ARHGEF10L: variants seen among roughly 807,000 people sequenced by gnomAD.
ARHGEF10L encodes the protein rho guanine nucleotide exchange factor 10-like protein.
In ARHGEF10L, 69 loss-of-function variants were observed where a neutral mutation model predicts 141.2. That is an observed-to-expected ratio of 0.49 (90% CI 0.40 to 0.60). ARHGEF10L has a LOEUF of 0.60. ARHGEF10L is among the 20% of genes least tolerant of loss of function. The pLI, the probability that ARHGEF10L is intolerant of heterozygous loss-of-function variation, is 0.00. For missense variants in ARHGEF10L, 1,482 were observed against 1,734.3 expected, an observed-to-expected ratio of 0.85 and a Z score of 2.58; for synonymous variants, 711 against 718.5, an observed-to-expected ratio of 0.99 and a Z score of 0.17.
chr1:17,520,748 C>T, the ARHGEF10L span, among the ~76,000 whole-genome samples: 1 of 152,284 alleles, frequency 6.6e-6, no homozygotes, highest in East Asian at 1.9e-4. Context: ...ACTGCAAGGG[C>T]GTGTGTAGGG....
At chr1:17,534,892 T>C (rs577011210), upstream of ARHGEF10L, among the ~76,000 whole-genome samples, 1 of 152,160 alleles carries the variant, frequency 6.6e-6, no homozygotes, top group Non-Finnish European at 1.5e-5. Flanking sequence ...CCGGGCCACT[T>C]TCTGTTTGAT....
chr1:17,603,691 G>A lies in ARHGEF10L; in HGVS notation c.433+100G>A, dbSNP rs868184528. The A allele has an allele frequency of 3.8e-6, 4 of 1,063,970 alleles. No individual in the cohort carries two copies. In the African/African-American group the frequency reaches 6.5e-5, roughly 17 times the overall value. 65.9% of individuals were successfully genotyped at this position (1,063,970 alleles called of 1,614,324 possible). On this transcript the variant is annotated intron_variant, in intron 6 of 28. Transcript: ENST00000361221. This position sits in a 1 kb window ranked among gnomAD's most constrained non-coding sequence, Gnocchi z 4.8. ...TTTCCGTTTCCTTCTGTCCCCACCT[G>A]GCCAAGTGCCCCTCCTTCTTGTCTT...
At chr1:17,593,776 T>C (rs959471680) in intron 4 of ARHGEF10L, among the ~76,000 whole-genome samples, 4 of 151,994 alleles carry the variant, frequency 2.6e-5, no homozygotes, top group Non-Finnish European at 5.9e-5. Context: ...TTCGTGGTCA[T>C]CTGTTACAGC....
chr1:17,695,666 C>T (rs760358994), intron 28 of ARHGEF10L, among the ~76,000 whole-genome samples: 1 of 152,172 alleles, frequency 6.6e-6, no homozygotes, highest in Non-Finnish European at 1.5e-5. Flanking sequence ...GGTCCATGTG[C>T]AAATGAATGT....
At chr1:17,610,760 C>A (rs2059507386) in intron 7 of ARHGEF10L, among the ~76,000 whole-genome samples, 1 of 152,202 alleles carries the variant, frequency 6.6e-6, no homozygotes, top group Admixed American at 6.5e-5. Flanking sequence ...TGGCCAGGCA[C>A]CCTGCCCAGC....
intron 1 of ARHGEF10L, among the ~76,000 whole-genome samples, chr1:17,571,074 G>A (rs534076724): frequency 1.1e-4 from 16 of 152,264 alleles, no homozygotes; most frequent in Admixed American, 8.5e-4. Context: ...TCAAGGGCAG[G>A]ACAGGCTGGA....
rs74059387 is a variant in ARHGEF10L at position 17,642,211 on chromosome 1, A to T, written c.2272+1909A>T. On this transcript the variant is annotated intron_variant, in intron 21 of 28. Transcript: ENST00000361221. ...AGGTGTTATGCTGTACAGGGCATAG[A>T]GCTGGGCTGGGGCTGCCATCTGGGG... Among the ~76,000 whole-genome samples, 711 of 152,184 alleles carry T rather than the reference A, an allele frequency of 4.7e-3. 2 individuals carry two copies. Among genetic ancestry groups the T allele is most frequent in the African/African-American group, 0.016 (665 of 41,542 alleles).
intron 27 of ARHGEF10L, chr1:17,690,020 A>G (rs2064980366): frequency 5.6e-6 from 2 of 357,254 alleles, no homozygotes; most frequent in South Asian, 4.2e-5. Context: ...CGTTGTTATG[A>G]TGATGATTTG....
At chr1:17,577,644 C>T (rs984824860) in intron 1 of ARHGEF10L, among the ~76,000 whole-genome samples, 15 of 152,318 alleles carry the variant, frequency 9.8e-5, no homozygotes, top group African/African-American at 3.1e-4. Context: ...CACTTCAGAG[C>T]CCCGCATTAG....
intron 8 of ARHGEF10L, among the ~76,000 whole-genome samples, chr1:17,613,785 C>T (rs1297433239): frequency 6.6e-6 from 1 of 152,246 alleles, no homozygotes; most frequent in Admixed American, 6.5e-5. Flanking sequence ...CATGGACTTT[C>T]GAGGTCTGTG....
intron 27 of ARHGEF10L, among the ~76,000 whole-genome samples, chr1:17,692,334 G>A (rs563799780): frequency 1.1e-4 from 17 of 152,052 alleles, no homozygotes; most frequent in African/African-American, 3.9e-4. Flanking sequence ...TGCCAGACTC[G>A]AATCCCACCG....
upstream of ARHGEF10L, among the ~76,000 whole-genome samples, chr1:17,537,854 C>CCAAA: frequency 1.3e-5 from 1 of 79,844 alleles, no homozygotes; most frequent in Non-Finnish European, 2.4e-5. Flanking sequence ...ACCATCTCTA[C>CCAAA]AAAAAAAAAA....
chr1:17,622,379 G>T (rs529337741), intron 11 of ARHGEF10L, among the ~76,000 whole-genome samples: 39 of 152,260 alleles, frequency 2.6e-4, no homozygotes, highest in African/African-American at 7.7e-4. Flanking sequence ...AGGCCCAGGG[G>T]TTGCTGAGCA....
intron 1 of ARHGEF10L, among the ~76,000 whole-genome samples, chr1:17,541,577 TCCCAGC>T (rs1230428227): frequency 1.3e-5 from 2 of 152,162 alleles, no homozygotes; most frequent in Non-Finnish European, 2.9e-5. Flanking sequence ...ACCCTTGTAA[TCCCAGC>T]ACTTTGGGAG....
chr1:17,679,252 C>G (rs913944153), intron 26 of ARHGEF10L, among the ~76,000 whole-genome samples: 3 of 152,206 alleles, frequency 2.0e-5, no homozygotes, highest in African/African-American at 4.8e-5. Flanking sequence ...CCCGGAGCCT[C>G]CCTGAGAAAT....
Sources: allele counts gnomAD v4.1 joint callset (sites outside exome capture counted in the v4.1 genomes callset), GRCh38; gene constraint gnomAD v4.1.1; non-coding constraint Gnocchi (gnomAD v3.1); transcripts MANE v1.5; gene names NCBI Gene and HGNC (gene_info 2026-07-23, HGNC 2026-07-21).